The following TTC28 variants were observed in gnomAD, a reference collection of about 807,000 sequenced individuals.
The protein encoded by TTC28 is tetratricopeptide repeat domain 28, also known as tetratricopeptide repeat protein 28.
Under a neutral mutation model 198.0 loss-of-function variants are expected in TTC28, and 61 were observed. That is an observed-to-expected ratio of 0.31 (90% CI 0.25 to 0.38). The LOEUF is 0.38. Ranked by LOEUF, TTC28 falls within the 10% of genes least tolerant of loss-of-function variation. TTC28 has a pLI of 1.00. For missense variants in TTC28, 2,678 were observed against 3,164.0 expected, an observed-to-expected ratio of 0.85 and a Z score of 3.69; for synonymous variants, 1,171 against 1,297.8, an observed-to-expected ratio of 0.90 and a Z score of 2.10.
chr22:28,192,685 G>C (rs1398927216), intron 5 of TTC28, among the ~76,000 whole-genome samples: 1 of 151,944 alleles, frequency 6.6e-6, no homozygotes, highest in African/African-American at 2.4e-5. Flanking sequence ...TGGAAGAAAG[G>C]GTATCAGTGA....
At chr22:28,366,864 G>C (rs1001084176) in intron 2 of TTC28, among the ~76,000 whole-genome samples, 1 of 151,864 alleles carries the variant, frequency 6.6e-6, no homozygotes, top group Non-Finnish European at 1.5e-5. Context: ...AATGGCAAAG[G>C]GGTCATTTCA....
chr22:28,441,493 C>T (rs1420635023), intron 2 of TTC28, among the ~76,000 whole-genome samples: 1 of 152,026 alleles, frequency 6.6e-6, no homozygotes, highest in African/African-American at 2.4e-5. Flanking sequence ...GTGATGAGAA[C>T]TATTATAATA....
chr22:28,449,938 C>A (rs191877911), intron 2 of TTC28, among the ~76,000 whole-genome samples: 1 of 151,916 alleles, frequency 6.6e-6, no homozygotes, highest in Non-Finnish European at 1.5e-5. Context: ...TTTCACCATC[C>A]GTTAGAAAAA....
rs1942274798 is a variant in TTC28, at chr22:28,105,676, T to C, written c.2910A>G (p.Leu970=). 6.4e-7 allele frequency: 1 copy of C among 1,551,798 alleles called. No individual in the cohort carries two copies. Among genetic ancestry groups the C allele is most frequent in the Non-Finnish European group, 8.7e-7 (1 of 1,147,052 alleles). The stretch of plus-strand genomic sequence containing the variant: ...AGGAAATGGCTTGTTCGTAATTCCC[T>C]AATTGGCTGTGCAGACTTCCCAGCT... ...YGELGSLHSQ[L]GNYEQAISCL... is the part of the protein sequence containing the mutation. Residue 970 remains leucine, a synonymous_variant, in exon 8 of 23, where the codon TTA becomes TTG. Coordinates refer to ENST00000397906, the MANE Select transcript of TTC28 (RefSeq NM_001145418.2).
chr22:28,070,955 C>T (rs1430594313), intron 12 of TTC28, among the ~76,000 whole-genome samples: 3 of 152,282 alleles, frequency 2.0e-5, no homozygotes, highest in South Asian at 2.1e-4. Flanking sequence ...CATTGCTACT[C>T]GATTCAACTA....
At chr22:28,095,566 T>C (rs1398572287) in intron 11 of TTC28, among the ~76,000 whole-genome samples, 1 of 152,216 alleles carries the variant, frequency 6.6e-6, no homozygotes. Context: ...GGTAAAGCCA[T>C]CAGCATTTTA....
At chr22:28,411,769 C>A (rs2047086239) in intron 2 of TTC28, among the ~76,000 whole-genome samples, 1 of 152,146 alleles carries the variant, frequency 6.6e-6, no homozygotes, top group Non-Finnish European at 1.5e-5. Context: ...AACAAATGTA[C>A]TACCTGAATT....
At chr22:28,442,261 T>C (rs1431316112) in intron 2 of TTC28, among the ~76,000 whole-genome samples, 1 of 152,074 alleles carries the variant, frequency 6.6e-6, no homozygotes, top group Non-Finnish European at 1.5e-5. Context: ...CCGTGCACAA[T>C]GGCCAGCGCA....
chr22:28,081,992 A>G (rs1055593849), intron 12 of TTC28, among the ~76,000 whole-genome samples: 1 of 152,010 alleles, frequency 6.6e-6, no homozygotes, highest in Non-Finnish European at 1.5e-5. Context: ...TTTATTCCTG[A>G]GTATTTTGTA....
intron 2 of TTC28, among the ~76,000 whole-genome samples, chr22:28,415,464 AAAG>A (rs2047154768): frequency 6.6e-6 from 1 of 152,240 alleles, no homozygotes; most frequent in Non-Finnish European, 1.5e-5. Context: ...AAATTAATAA[AAAG>A]AAATTCAAAA....
At chr22:28,631,582 G>A (rs917882389) in intron 1 of TTC28, among the ~76,000 whole-genome samples, 1 of 152,054 alleles carries the variant, frequency 6.6e-6, no homozygotes, top group African/African-American at 2.4e-5. Flanking sequence ...GGAGTGCAGT[G>A]GTGTGATCAG....
intron 5 of TTC28, among the ~76,000 whole-genome samples, chr22:28,175,427 A>C (rs945144733): frequency 8.5e-5 from 13 of 152,182 alleles, no homozygotes; most frequent in Non-Finnish European, 1.9e-4. Flanking sequence ...CAAAAACAAA[A>C]TAACCCAATT....
intron 6 of TTC28, among the ~76,000 whole-genome samples, chr22:28,147,893 A>G (rs772318380): frequency 4.6e-5 from 7 of 152,220 alleles, no homozygotes; most frequent in African/African-American, 1.7e-4. Flanking sequence ...TGTTATTTGA[A>G]TATCTAGAAA....
At chr22:28,401,964 A>G (rs2146104571) in intron 2 of TTC28, among the ~76,000 whole-genome samples, 1 of 152,270 alleles carries the variant, frequency 6.6e-6, no homozygotes, top group South Asian at 2.1e-4. Flanking sequence ...TTTCTTAGAT[A>G]AAACCCAAGC....
chr22:28,406,658 A>G (rs1467280749), intron 2 of TTC28, among the ~76,000 whole-genome samples: 1 of 152,252 alleles, frequency 6.6e-6, no homozygotes, highest in Non-Finnish European at 1.5e-5. Context: ...GCTTTATTTC[A>G]GAAACAAGTC....
At chr22:28,222,282 G>A (rs927920381) in intron 5 of TTC28, among the ~76,000 whole-genome samples, 3 of 152,126 alleles carry the variant, frequency 2.0e-5, no homozygotes, top group African/African-American at 7.2e-5. Context: ...GATGTGAGAG[G>A]TAAAGCAGAA....
intron 2 of TTC28, among the ~76,000 whole-genome samples, chr22:28,484,593 C>T (rs999809041): frequency 9.9e-5 from 15 of 152,148 alleles, no homozygotes; most frequent in African/African-American, 3.1e-4. Context: ...ACCGTAAGTA[C>T]GCCTCTATAA....
chr22:28,205,829 T>C (rs1926357135), intron 5 of TTC28, among the ~76,000 whole-genome samples: 1 of 152,034 alleles, frequency 6.6e-6, no homozygotes, highest in Admixed American at 6.6e-5. Flanking sequence ...AGACTTAAAA[T>C]AGAAATAATA....
intron 2 of TTC28, among the ~76,000 whole-genome samples, chr22:28,398,339 G>C (rs2046849302): frequency 6.6e-6 from 1 of 152,204 alleles, no homozygotes; most frequent in South Asian, 2.1e-4. Flanking sequence ...CTGTGCTCAG[G>C]AGAGATGGAG....
Sources: gnomAD v4.1 joint callset for allele counts (sites outside exome capture counted in the v4.1 genomes callset) on GRCh38, gnomAD v4.1.1 for gene constraint, MANE v1.5 for transcripts, NCBI Gene and HGNC (gene_info 2026-07-23, HGNC 2026-07-21) for gene names.